Variants in ABRAXAS1 observed in about 807,000 individuals in gnomAD.
ABRAXAS1 encodes the protein abraxas 1, BRCA1 A complex subunit.
In ABRAXAS1, 26 loss-of-function variants were observed where a neutral mutation model predicts 38.4. The ratio of observed to expected loss-of-function variants is 0.68; its 90% CI spans 0.50 to 0.94. The LOEUF is 0.94. ABRAXAS1 is among the 40% of genes least tolerant of loss of function. The pLI, the probability that ABRAXAS1 is intolerant of heterozygous loss-of-function variation, is 0.00. For synonymous variants in ABRAXAS1, 144 were observed against 165.5 expected (o/e 0.87, Z 1.00); for missense variants, 438 against 481.9 (o/e 0.91, Z 0.85).
intron 1 of ABRAXAS1, 48 bp from the exon 2 acceptor site, chr4:83,482,292 G>A: frequency 1.7e-6 from 2 of 1,174,162 alleles, no homozygotes; most frequent in Non-Finnish European, 2.5e-6. Context: ...TAGAATTACT[G>A]TTCACTTAAC....
rs532657013 is a variant in ABRAXAS1 at position 83,471,443 on chromosome 4, C to T, written c.282+779G>A. On this transcript the variant is annotated intron_variant, in intron 4 of 8. Transcript: ENST00000321945. The stretch of plus-strand genomic sequence containing the variant: ...CAGGCTGGTCTCGAACTCCTGACCT[C>T]GTGATCCGCCCTCCGCAGCCTACCA... 6.6e-5 allele frequency among the ~76,000 whole-genome samples: 10 copies of T among 151,816 alleles called. No homozygotes were observed. In the South Asian group the frequency reaches 1.7e-3, roughly 25 times the overall value.
intron 2 of ABRAXAS1, chr4:83,480,384 A>G (rs1722954091): frequency 4.7e-6 from 2 of 429,104 alleles, no homozygotes; most frequent in South Asian, 3.3e-5. Flanking sequence ...AACAAAAACA[A>G]AATGTATATA....
rs762949273 is a variant in ABRAXAS1, at chr4:83,460,980, T to C, written c.*1489A>G. The C allele has an allele frequency of 1.1e-5, 17 of 1,605,694 alleles. No individual in the cohort carries two copies. In the East Asian group the frequency reaches 3.8e-4, roughly 36 times the overall value. On this transcript the variant is annotated 3_prime_UTR_variant, in exon 9 of 9. Coordinates refer to ENST00000321945, the MANE Select transcript of ABRAXAS1 (RefSeq NM_139076.3). ...AAGCTTTTTATTTTACAGGTCTTTG[T>C]GGGAAGAAACAGAAAGAAATCACAA...
At chr4:83,471,352 C>T (rs572574105) in intron 4 of ABRAXAS1, among the ~76,000 whole-genome samples, 38 of 151,360 alleles carry the variant, frequency 2.5e-4, no homozygotes, top group South Asian at 6.2e-4. Flanking sequence ...TACAGGCATG[C>T]GCCACTACGC....
chr4:83,475,863 C>G (rs1722746041), intron 3 of ABRAXAS1, among the ~76,000 whole-genome samples: 1 of 152,116 alleles, frequency 6.6e-6, no homozygotes, highest in East Asian at 1.9e-4. Flanking sequence ...ATCTGTAGGA[C>G]TAAGTGCAAG....
At chr4:83,474,132 G>C (rs1377926734) in intron 3 of ABRAXAS1, among the ~76,000 whole-genome samples, 2 of 140,562 alleles carry the variant, frequency 1.4e-5, no homozygotes, top group East Asian at 4.1e-4. Context: ...AACAGAGTGA[G>C]ACCTTGTCTA....
chr4:83,465,299 C>CAAAAAAAAAAAAA (rs35072866), intron 7 of ABRAXAS1, among the ~76,000 whole-genome samples: 86 of 88,146 alleles, frequency 9.8e-4, no homozygotes, highest in African/African-American at 2.4e-3. Context: ...GACTCTGTCT[C>CAAAAAAAAAAAAA]AAAAAAAAAA....
Position 83,477,656 on chromosome 4 carries a change from G to A in ABRAXAS1, c.179-977C>T, listed in dbSNP as rs111981822. On this transcript the variant is annotated intron_variant, in intron 2 of 8. Transcript: ENST00000321945. ...CTTGCCAAAACACGACTTCAGGTAG[G>A]TTCAAGGCCAAAGCATTGATGTCCG... The A allele has an allele frequency of 1.8e-3, 954 of 542,358 alleles. 9 individuals are homozygous for A. The highest frequency in any genetic ancestry group is 0.016 in the African/African-American group (863 of 52,572). 33.6% of individuals were successfully genotyped at this position (542,358 alleles called of 1,614,324 possible).
chr4:83,468,749 A>G (rs966774457), intron 6 of ABRAXAS1, among the ~76,000 whole-genome samples: 9 of 152,056 alleles, frequency 5.9e-5, no homozygotes, highest in African/African-American at 1.7e-4. Flanking sequence ...TGTGTTGCCC[A>G]GGCTAGTCTC....
chr4:83,469,383 G>A (rs1328904848), intron 5 of ABRAXAS1: 3 of 424,252 alleles, frequency 7.1e-6, no homozygotes, highest in African/African-American at 4.1e-5. Flanking sequence ...GTGCGATCAT[G>A]GCTCAATAAT....
At chr4:83,481,776 G>A (rs1207686906) in intron 2 of ABRAXAS1, among the ~76,000 whole-genome samples, 1 of 151,970 alleles carries the variant, frequency 6.6e-6, no homozygotes, top group Non-Finnish European at 1.5e-5. Context: ...TTGAGACAGA[G>A]TCTCGCTTTG....
At chr4:83,476,773 A>C in intron 2 of ABRAXAS1, 94 bp from the exon 3 acceptor site, 3 of 726,670 alleles carry the variant, frequency 4.1e-6, no homozygotes, top group Non-Finnish European at 7.2e-6. Flanking sequence ...GCCAGGAAGT[A>C]CTTTACCACT....
intron 3 of ABRAXAS1, among the ~76,000 whole-genome samples, chr4:83,476,170 C>G (rs1722761584): frequency 1.3e-5 from 2 of 152,054 alleles, no homozygotes; most frequent in South Asian, 4.2e-4. Flanking sequence ...CCACTGCACT[C>G]CAGCCTGAGT....
intron 4 of ABRAXAS1, among the ~76,000 whole-genome samples, chr4:83,471,098 C>T (rs1196902743): frequency 1.3e-5 from 2 of 149,964 alleles, no homozygotes; most frequent in Non-Finnish European, 3.0e-5. Flanking sequence ...AAAAATAAGG[C>T]ATTTTTACAG....
In ABRAXAS1 at chr4:83,461,051, A is replaced by G; in HGVS notation, c.*1418T>C. ...ATAATGGGTAAGAAAGAATACCTCA[A>G]CAACTGAATTGAGCTAGCTGAAATT... is the stretch of plus-strand genomic sequence containing the variant. On this transcript the variant is annotated 3_prime_UTR_variant, in exon 9 of 9. Transcript: ENST00000321945. 1 of 1,612,520 alleles carries G rather than the reference A, an allele frequency of 6.2e-7. No individual in the cohort carries two copies. The highest frequency in any genetic ancestry group is 8.5e-7 in the Non-Finnish European group (1 of 1,178,826).
At position 83,475,842 on chromosome 4, in the gene ABRAXAS1, G is replaced by A. The variant is rs543628590; in HGVS notation, c.215+801C>T. 4.6e-5 allele frequency among the ~76,000 whole-genome samples: 7 copies of A among 152,184 alleles called. No individual in the cohort carries two copies. The South Asian group carries it at 1.2e-3, about 27-fold the overall frequency. On this transcript the variant is annotated intron_variant, in intron 3 of 8. Transcript: ENST00000321945. Reference sequence around the variant, plus strand: ...AATACACAATGTATTAGAGTTAACAGTACTATGACTATCTGTAGGACTAAG... The same window carrying A: ...AATACACAATGTATTAGAGTTAACAATACTATGACTATCTGTAGGACTAAG...
rs1236049648 is a variant in ABRAXAS1, at chr4:83,472,207, T to C, written c.282+15A>G. 2 of 1,467,338 alleles carry C rather than the reference T, an allele frequency of 1.4e-6. No homozygotes were observed. Among genetic ancestry groups the C allele is most frequent in the African/African-American group, 1.4e-5 (1 of 69,576 alleles). 90.9% of individuals were successfully genotyped at this position (1,467,338 alleles called of 1,614,324 possible). On this transcript the variant is annotated intron_variant, in intron 4 of 8. Transcript: ENST00000321945. ...CAAATAATACCAAAAAAAGGGAAGATAAATTAGAGAATACCTTTTTGACAT... is the reference window on the plus strand; with the variant it reads ...CAAATAATACCAAAAAAAGGGAAGACAAATTAGAGAATACCTTTTTGACAT...
intron 7 of ABRAXAS1, chr4:83,467,067 G>A (rs1722388633): frequency 6.1e-6 from 1 of 164,194 alleles, no homozygotes; most frequent in Non-Finnish European, 1.3e-5. Flanking sequence ...AAGGAATAAT[G>A]ACATCTCGTT....
chr4:83,481,936 G>C (rs1318751370), intron 2 of ABRAXAS1, among the ~76,000 whole-genome samples: 1 of 152,050 alleles, frequency 6.6e-6, no homozygotes, highest in Non-Finnish European at 1.5e-5. Context: ...TTTTAGTAGA[G>C]ATGGGTTTCA....
Sources: gnomAD v4.1 joint callset for allele counts (sites outside exome capture counted in the v4.1 genomes callset) on GRCh38, gnomAD v4.1.1 for gene constraint, MANE v1.5 for transcripts, NCBI Gene and HGNC (gene_info 2026-07-23, HGNC 2026-07-21) for gene names.